The following RIPPLY3 variants were observed in gnomAD, a reference collection of about 807,000 sequenced individuals.
RIPPLY3 encodes the protein protein ripply3.
Under a neutral mutation model 11.9 loss-of-function variants are expected in RIPPLY3, and 8 were observed. The ratio of observed to expected loss-of-function variants is 0.67; its 90% confidence interval spans 0.40 to 1.21. RIPPLY3 has a LOEUF of 1.21. Among genes scored for constraint, RIPPLY3 ranks in the 50% most tolerant of loss-of-function variants. RIPPLY3 has a pLI of 0.01. For synonymous variants in RIPPLY3, 102 were observed against 99.0 expected, an observed-to-expected ratio of 1.03 and a Z score of -0.18; for missense variants, 271 against 246.0, an observed-to-expected ratio of 1.10 and a Z score of -0.68.
chr21:37,016,209 C>T (rs1461996209), intron 3 of RIPPLY3, among the ~76,000 whole-genome samples: 6 of 152,238 alleles, frequency 3.9e-5, no homozygotes, highest in East Asian at 1.9e-4. Flanking sequence ...TAATTCTTCA[C>T]GGTGGGAACT....
intron 3 of RIPPLY3, 67 bp downstream of exon 3, chr21:37,013,685 T>C (rs3761359): frequency 0.011 from 12,779 of 1,140,792 alleles, 243 homozygotes; most frequent in East Asian, 0.075. Flanking sequence ...TATGCTTTAG[T>C]GTCTTCAACC....
chr21:37,008,317 G>A, intron 2 of RIPPLY3, 94 bp downstream of exon 2: 2 of 1,323,984 alleles, frequency 1.5e-6, no homozygotes, highest in South Asian at 1.3e-5. Context: ...CTTCTGCGCA[G>A]GGCCGTCCCT....
chr21:37,007,344 G>C (rs1349097393), intron 1 of RIPPLY3, among the ~76,000 whole-genome samples: 1 of 151,762 alleles, frequency 6.6e-6, no homozygotes, highest in African/African-American at 2.4e-5. Flanking sequence ...AGGGAGGTAG[G>C]GAAGGGACCG....
At position 37,018,474 on chromosome 21, in the gene RIPPLY3, T is replaced by C; in HGVS notation, c.*267T>C. On this transcript the variant is annotated 3_prime_UTR_variant, in exon 4 of 4. Transcript: ENST00000329553. ...CTATGTCAACAGAGTTGTTATCTCA[T>C]AGAGCCAGTTTTCAAAGCTCCTTCT... 2 of 448,950 alleles carry C rather than the reference T, an allele frequency of 4.5e-6. No homozygotes were observed. The highest frequency in any genetic ancestry group is 4.0e-6 in the Non-Finnish European group (1 of 250,322). 27.8% of individuals were successfully genotyped at this position (448,950 alleles called of 1,614,324 possible). A position where few individuals can be genotyped will look rare whatever the true frequency, so the allele number is the denominator to read the frequency against.
chr21:37,017,926 C>T lies in RIPPLY3; in HGVS notation c.292C>T (p.Gln98Ter), dbSNP rs143431927. 297 of 1,614,126 alleles carry T rather than the reference C, an allele frequency of 1.8e-4. 1 individual carries two copies. The highest frequency in any genetic ancestry group is 1.7e-3 in the South Asian group (159 of 91,074). ...AGAATACCTGCGGAGTTCCGGGGAG[C>T]AAGTACTGGCCAGTTTCCCAGTGCA... ...RQEYLRSSGEQVLASFPVQAT... is the reference protein window; with the variant it reads ...RQEYLRSSGE Residue 98 changes from glutamine to a stop codon, truncating the protein, a stop_gained, in exon 4 of 4, where the codon CAA becomes TAA. Transcript: ENST00000329553. LOFTEE classifies it low-confidence loss of function (END_TRUNC).
intron 2 of RIPPLY3, among the ~76,000 whole-genome samples, chr21:37,008,848 G>A (rs981821470): frequency 6.6e-6 from 1 of 151,868 alleles, no homozygotes; most frequent in Non-Finnish European, 1.5e-5. Context: ...AAAGCAACAG[G>A]TCGGGAGGGG....
chr21:37,017,786 T>A, intron 3 of RIPPLY3, 88 bp from the exon 4 acceptor site: 1 of 1,044,752 alleles, frequency 9.6e-7, no homozygotes, highest in Non-Finnish European at 1.4e-6. Context: ...ACTGGGGAGT[T>A]CTCTGCTTCT....
chr21:37,011,962 C>T (rs992541308), intron 2 of RIPPLY3, among the ~76,000 whole-genome samples: 3 of 135,742 alleles, frequency 2.2e-5, no homozygotes, highest in African/African-American at 8.5e-5. Context: ...AAAAAAATGG[C>T]AGGGAAAATG....
chr21:37,018,014 A>C lies in RIPPLY3; in HGVS notation c.380A>C (p.Glu127Ala), dbSNP rs1017827661. The change falls in exon 4 of 4, where the codon GAG (glutamate) becomes GCG (alanine). Residue 127 changes from glutamate to alanine, a missense_variant. By Grantham distance (107) the Glu-to-Ala change is moderately radical. Coordinates refer to ENST00000329553, the MANE Select transcript of RIPPLY3 (RefSeq NM_018962.3). ...TESASEAEEP[E>A]EGPPPLHLLP... ...TCTGCTTCCGAAGCTGAAGAGCCAGAGGAAGGACCCCCACCCCTCCATCTT... is the reference window on the plus strand; with the variant it reads ...TCTGCTTCCGAAGCTGAAGAGCCAGCGGAAGGACCCCCACCCCTCCATCTT... 1 of 1,614,038 alleles carries C rather than the reference A, an allele frequency of 6.2e-7. No individual in the cohort carries two copies. The highest frequency in any genetic ancestry group is 1.3e-5 in the African/African-American group (1 of 74,936).
intron 2 of RIPPLY3, 105 bp from the exon 3 acceptor site, chr21:37,013,446 T>C: frequency 2.3e-6 from 2 of 851,686 alleles, no homozygotes; most frequent in East Asian, 2.5e-5. Context: ...TTGGTATTGA[T>C]ATGACCAACT....
intron 1 of RIPPLY3, 88 bp from the exon 2 acceptor site, chr21:37,008,067 GAC>G: frequency 1.1e-5 from 15 of 1,374,246 alleles, no homozygotes; most frequent in Non-Finnish European, 1.4e-5. Flanking sequence ...TTTTCAGGCA[GAC>G]ACTGGAACTA....
intron 2 of RIPPLY3, among the ~76,000 whole-genome samples, chr21:37,012,212 TTTATTATTATTATTA>T (rs35315761): frequency 1.2e-4 from 16 of 132,510 alleles, no homozygotes; most frequent in Admixed American, 6.8e-4. Flanking sequence ...CCGCTCCTTA[TTTATTATTATTATTA>T]TTATTATTAT....
chr21:37,006,581 C>T, upstream of RIPPLY3: 1 of 368,094 alleles, frequency 2.7e-6, no homozygotes, highest in Non-Finnish European at 4.8e-6. This position sits in a 1 kb window ranked among gnomAD's most constrained non-coding sequence, Gnocchi z 5.2. Flanking sequence ...CGGGCTTTTC[C>T]TTCGTACCCT....
chr21:37,013,473 C>G, intron 2 of RIPPLY3, 78 bp from the exon 3 acceptor site: 1 of 1,230,794 alleles, frequency 8.1e-7, no homozygotes, highest in Non-Finnish European at 1.2e-6. Context: ...GACTTACGTT[C>G]TGTGGTTTAA....
At position 37,019,601 on chromosome 21, in the gene RIPPLY3, G is replaced by A. The variant is rs2069620130; in HGVS notation, c.*1394G>A. ...TTTTTGACTTACTTATCTTACATGTGGTGTCTTCCTGTATATAGTACATTA... is the reference window on the plus strand; with the variant it reads ...TTTTTGACTTACTTATCTTACATGTAGTGTCTTCCTGTATATAGTACATTA... On this transcript the variant is annotated 3_prime_UTR_variant, in exon 4 of 4. Coordinates refer to ENST00000329553, the MANE Select transcript of RIPPLY3 (RefSeq NM_018962.3). 1 of 151,676 alleles carries A rather than the reference G, an allele frequency of 6.6e-6. No individual in the cohort carries two copies. The highest frequency in any genetic ancestry group is 2.4e-5 in the African/African-American group (1 of 41,294). 9.4% of individuals were successfully genotyped at this position (151,676 alleles called of 1,614,324 possible). A position where few individuals can be genotyped will look rare whatever the true frequency, so the allele number is the denominator to read the frequency against.
Position 37,006,944 on chromosome 21 carries a change from G to A in RIPPLY3, c.104+68G>A. 1.1e-6 allele frequency: 1 copy of A among 944,678 alleles called. No homozygotes were observed. The highest frequency in any genetic ancestry group is 1.4e-6 in the Non-Finnish European group (1 of 732,430). The allele number at this position is 944,678 out of a possible 1,614,324, so 58.5% of individuals were successfully genotyped here. ...GCGCGGTGGCGGTGCGGGGAGCGCA[G>A]CGAGCGGGAGGCTGGGGCGCTGCTG... On this transcript the variant is annotated intron_variant, in intron 1 of 3. Transcript: ENST00000329553. The surrounding 1 kb of genome is among the most constrained non-coding windows in gnomAD (Gnocchi z 5.2).
intron 3 of RIPPLY3, among the ~76,000 whole-genome samples, chr21:37,017,438 G>A (rs1047228328): frequency 1.3e-5 from 2 of 152,122 alleles, no homozygotes; most frequent in Non-Finnish European, 2.9e-5. Context: ...CAGAACCCAA[G>A]GGGTTACAGC....
In RIPPLY3 at chr21:37,014,162, C is replaced by CA. The variant is rs1024730983; in HGVS notation, c.239+550dup. 5.3e-4 allele frequency among the ~76,000 whole-genome samples: 81 copies of CA among 151,992 alleles called. 1 individual carries two copies. The highest frequency in any genetic ancestry group is 1.9e-3 in the African/African-American group (78 of 41,466). ...GAAACCCCCGTCTCTACTAAAAATACAAAAAATTAGCTGGGCATGGTGGTG... is the reference window on the plus strand; with the variant it reads ...GAAACCCCCGTCTCTACTAAAAATACAAAAAAATTAGCTGGGCATGGTGGTG... On this transcript the variant is annotated intron_variant, in intron 3 of 3. Transcript: ENST00000329553.
intron 2 of RIPPLY3, among the ~76,000 whole-genome samples, chr21:37,013,103 C>T (rs1460069717): frequency 2.6e-5 from 4 of 152,104 alleles, no homozygotes; most frequent in Non-Finnish European, 2.9e-5. Flanking sequence ...CTACCACTCC[C>T]GGTACTGCCA....
Sources: allele counts gnomAD v4.1 joint callset (sites outside exome capture counted in the v4.1 genomes callset), GRCh38; gene constraint gnomAD v4.1.1; non-coding constraint Gnocchi (gnomAD v3.1); transcripts MANE v1.5; gene names NCBI Gene and HGNC (gene_info 2026-07-23, HGNC 2026-07-21).